The following BMPR2 variants were observed in gnomAD, a reference collection of about 807,000 sequenced individuals.
BMPR2 encodes bone morphogenetic protein receptor type-2.
A neutral mutation model predicts 100.8 loss-of-function variants in BMPR2; 29 were observed. The ratio of observed to expected loss-of-function variants is 0.29; its 90% confidence interval spans 0.21 to 0.39. The LOEUF (loss-of-function observed/expected upper bound fraction) is 0.39, where lower values mean the gene tolerates loss of function less well. BMPR2 is among the 10% of genes least tolerant of loss of function. The pLI, the probability that BMPR2 is intolerant of heterozygous loss-of-function variation, is 1.00. For missense variants in BMPR2, 1,011 were observed against 1,274.5 expected, an observed-to-expected ratio of 0.79 and a Z score of 3.15; for synonymous variants, 382 against 442.3, an observed-to-expected ratio of 0.86 and a Z score of 1.71.
intron 1 of BMPR2, among the ~76,000 whole-genome samples, chr2:202,422,744 T>C (rs1412462539): frequency 6.6e-6 from 1 of 152,182 alleles, no homozygotes; most frequent in Non-Finnish European, 1.5e-5. Context: ...TGGCATGATC[T>C]CAGCTCACTG....
chr2:202,420,391 T>G (rs1205677967), intron 1 of BMPR2, among the ~76,000 whole-genome samples: 1 of 152,116 alleles, frequency 6.6e-6, no homozygotes, highest in Non-Finnish European at 1.5e-5. Context: ...TTGCTTTGTC[T>G]TAAAACATTC....
intron 3 of BMPR2, among the ~76,000 whole-genome samples, chr2:202,497,088 G>T (rs1693048662): frequency 6.6e-6 from 1 of 152,252 alleles, no homozygotes; most frequent in Non-Finnish European, 1.5e-5. Context: ...GGGTCCCCCA[G>T]CAGTGCCAGC....
At chr2:202,455,957 TG>T (rs1692089112) in intron 1 of BMPR2, among the ~76,000 whole-genome samples, 1 of 146,892 alleles carries the variant, frequency 6.8e-6, no homozygotes, top group African/African-American at 2.5e-5. Context: ...CCCAGCTACT[TG>T]GGAGGCTGAG....
chr2:202,437,391 CT>C (rs985415794), intron 1 of BMPR2, among the ~76,000 whole-genome samples: 4 of 150,818 alleles, frequency 2.7e-5, no homozygotes, highest in Middle Eastern at 3.4e-3. Flanking sequence ...TAAATTTTAA[CT>C]TTTTTTATGT....
At chr2:202,403,452 C>T (rs1044644165) in intron 1 of BMPR2, among the ~76,000 whole-genome samples, 1 of 152,042 alleles carries the variant, frequency 6.6e-6, no homozygotes, top group African/African-American at 2.4e-5. Context: ...CCTGCCTTCT[C>T]CTTCCAAAGT....
intron 1 of BMPR2, among the ~76,000 whole-genome samples, chr2:202,442,092 G>A (rs777916521): frequency 2.1e-4 from 31 of 150,578 alleles, no homozygotes; most frequent in East Asian, 9.6e-4. Flanking sequence ...TGTTTTCTTG[G>A]GGGAGTCACG....
At chr2:202,422,302 A>G (rs1691279754) in intron 1 of BMPR2, among the ~76,000 whole-genome samples, 1 of 151,232 alleles carries the variant, frequency 6.6e-6, no homozygotes, top group East Asian at 2.0e-4. Flanking sequence ...TACTCATCAT[A>G]AAGTTGTTTT....
chr2:202,553,645 C>T (rs182518778), intron 11 of BMPR2, among the ~76,000 whole-genome samples: 3 of 151,594 alleles, frequency 2.0e-5, no homozygotes, highest in East Asian at 3.9e-4. Flanking sequence ...AAAATAAACT[C>T]GATTCTTGAA....
chr2:202,419,288 G>A (rs909846502), intron 1 of BMPR2, among the ~76,000 whole-genome samples: 1 of 152,028 alleles, frequency 6.6e-6, no homozygotes, highest in Non-Finnish European at 1.5e-5. Flanking sequence ...ACTAATTAGC[G>A]TAACATTTTC....
chr2:202,551,661 G>T (rs1223764795), intron 10 of BMPR2, among the ~76,000 whole-genome samples: 1 of 152,148 alleles, frequency 6.6e-6, no homozygotes, highest in Non-Finnish European at 1.5e-5. Context: ...CTAGTTTAAA[G>T]AAGAGATGTC....
chr2:202,378,687 T>C (rs1016986224), intron 1 of BMPR2, among the ~76,000 whole-genome samples: 1 of 152,342 alleles, frequency 6.6e-6, no homozygotes, highest in Admixed American at 6.5e-5. Context: ...ATCTATATGG[T>C]TCTGTTAAAA....
At chr2:202,407,511 G>A (rs985150675) in intron 1 of BMPR2, among the ~76,000 whole-genome samples, 2 of 151,634 alleles carry the variant, frequency 1.3e-5, no homozygotes, top group East Asian at 2.0e-4. Context: ...GGTCGCTCAC[G>A]CCTGTAATCC....
At chr2:202,427,560 T>C (rs1691414615) in intron 1 of BMPR2, among the ~76,000 whole-genome samples, 1 of 152,140 alleles carries the variant, frequency 6.6e-6, no homozygotes, top group African/African-American at 2.4e-5. Flanking sequence ...TAAAACTTTT[T>C]CGTTCCTATA....
At chr2:202,458,296 A>C (rs1280573004) in intron 1 of BMPR2, among the ~76,000 whole-genome samples, 3 of 149,170 alleles carry the variant, frequency 2.0e-5, no homozygotes, top group African/African-American at 7.4e-5. Flanking sequence ...AAAAAAAAAA[A>C]AAAAAAAAAA....
intron 1 of BMPR2, among the ~76,000 whole-genome samples, chr2:202,401,438 A>G (rs921558878): frequency 3.3e-5 from 5 of 152,228 alleles, no homozygotes; most frequent in African/African-American, 1.2e-4. Flanking sequence ...TATTAAAATA[A>G]AAATAGATAA....
At chr2:202,521,595 C>T (rs1239934886) in intron 7 of BMPR2, among the ~76,000 whole-genome samples, 2 of 151,226 alleles carry the variant, frequency 1.3e-5, no homozygotes, top group Non-Finnish European at 2.9e-5. Flanking sequence ...TGAACTGGAA[C>T]ACTAATTGAA....
rs1406434185 is a variant in BMPR2, at chr2:202,376,709, C to T, written c.-766C>T. Among the ~76,000 whole-genome samples the T allele has an allele frequency of 6.6e-6, 1 of 150,592 alleles. No individual in the cohort carries two copies. Among genetic ancestry groups the T allele is most frequent in the Non-Finnish European group, 1.5e-5 (1 of 67,700 alleles). Reference sequence around the variant, plus strand: ...CCGCCGGGAGGACTAGAAGGGGCAGCCTCTCACACCCACTCCGCCTGCCGT... The same window carrying T: ...CCGCCGGGAGGACTAGAAGGGGCAGTCTCTCACACCCACTCCGCCTGCCGT... On this transcript the variant is annotated 5_prime_UTR_variant, in exon 1 of 13. Transcript: ENST00000374580.
rs140783803 is a variant in BMPR2, at chr2:202,512,681, A to G, written c.419-1038A>G. 2.6e-3 allele frequency among the ~76,000 whole-genome samples: 391 copies of G among 152,342 alleles called. 2 individuals are homozygous for G. The highest frequency in any genetic ancestry group is 4.4e-3 in the Non-Finnish European group (298 of 68,040). On this transcript the variant is annotated intron_variant, in intron 3 of 12. Coordinates refer to ENST00000374580, the MANE Select transcript of BMPR2 (RefSeq NM_001204.7). ...TTGCTCTAGATGCGATCTGACCCAC[A>G]GAATGGAACTTAACACATAAAATGT...
At chr2:202,428,077 C>G (rs1362604049) in intron 1 of BMPR2, among the ~76,000 whole-genome samples, 1 of 152,168 alleles carries the variant, frequency 6.6e-6, no homozygotes, top group Non-Finnish European at 1.5e-5. Context: ...GTAATTTCCC[C>G]TAGGGGTAAC....
Sources: gnomAD v4.1 joint callset for allele counts (sites outside exome capture counted in the v4.1 genomes callset) on GRCh38, gnomAD v4.1.1 for gene constraint, MANE v1.5 for transcripts, NCBI Gene and HGNC (gene_info 2026-07-23, HGNC 2026-07-21) for gene names.